DCLK1: variants seen among roughly 807,000 people sequenced by gnomAD.
DCLK1 encodes doublecortin like kinase 1, also known as serine/threonine-protein kinase DCLK1.
A neutral mutation model predicts 86.2 loss-of-function variants in DCLK1; 16 were observed. That is an observed-to-expected ratio of 0.19 (90% CI 0.13 to 0.28). DCLK1 has a LOEUF of 0.28. Among genes scored for constraint, DCLK1 ranks in the 10% least tolerant of loss-of-function variants. The pLI, the probability that DCLK1 is intolerant of heterozygous loss-of-function variation, is 1.00. For synonymous variants in DCLK1, 369 were observed against 370.5 expected (o/e 1.00, Z 0.05); for missense variants, 590 against 940.2 (o/e 0.63, Z 4.87).
chr13:35,851,221 G>C (rs895486874), intron 6 of DCLK1, among the ~76,000 whole-genome samples: 1 of 152,188 alleles, frequency 6.6e-6, no homozygotes, highest in African/African-American at 2.4e-5. Context: ...AAATGTTGTA[G>C]TTGCATGTGG....
intron 5 of DCLK1, among the ~76,000 whole-genome samples, chr13:35,869,430 A>C (rs147410022): frequency 6.6e-6 from 1 of 152,134 alleles, no homozygotes; most frequent in Non-Finnish European, 1.5e-5. Flanking sequence ...TCCTTTGTTC[A>C]TTGCTCTTTT....
chr13:35,984,795 G>A (rs1446572004), intron 3 of DCLK1, among the ~76,000 whole-genome samples: 1 of 151,812 alleles, frequency 6.6e-6, no homozygotes, highest in East Asian at 1.9e-4. Flanking sequence ...CCAGGCTTCT[G>A]TACCAGCGAA....
In DCLK1 at chr13:35,881,099, G is replaced by A. The variant is rs116504014; in HGVS notation, c.824-9759C>T. On this transcript the variant is annotated intron_variant, in intron 4 of 16. Coordinates refer to ENST00000360631, the MANE Select transcript of DCLK1 (RefSeq NM_001330071.2). ...GGCTCACGACCTGCAGCAACATGCC[G>A]GGGAAAAACCCCCTTTCTATGACAG... Among the ~76,000 whole-genome samples, 338 of 152,224 alleles carry A rather than the reference G, an allele frequency of 2.2e-3. 2 individuals are homozygous for A. Among genetic ancestry groups the A allele is most frequent in the East Asian group, 6.8e-3 (35 of 5,174 alleles).
intron 4 of DCLK1, among the ~76,000 whole-genome samples, chr13:35,881,088 A>T (rs9545598): frequency 0.078 from 11,894 of 152,300 alleles, 554 homozygotes; most frequent in Middle Eastern, 0.14. Flanking sequence ...CACGACCTGC[A>T]GCAACATGCC....
rs182838620 is a variant in DCLK1 at position 35,885,884 on chromosome 13, A to G, written c.824-14544T>C. Among the ~76,000 whole-genome samples, 194 of 152,296 alleles carry G rather than the reference A, an allele frequency of 1.3e-3. 2 individuals are homozygous for G. The highest frequency in any genetic ancestry group is 5.8e-3 in the Admixed American group (88 of 15,304). ...TGCTTTTCAATAATAAATGATTACT[A>G]TAGTGATGGTGATGTTCTGTACCTA... On this transcript the variant is annotated intron_variant, in intron 4 of 16. Transcript: ENST00000360631.
chr13:35,855,745 T>A, intron 5 of DCLK1: 1 of 1,329,466 alleles, frequency 7.5e-7, no homozygotes. Context: ...AGGTTCTGTC[T>A]TAGGCTACAT....
intron 3 of DCLK1, among the ~76,000 whole-genome samples, chr13:35,989,519 G>T (rs1046787561): frequency 6.6e-6 from 1 of 152,010 alleles, no homozygotes; most frequent in East Asian, 1.9e-4. Flanking sequence ...TGATCCACCC[G>T]CCTCGGCTTC....
intron 3 of DCLK1, among the ~76,000 whole-genome samples, chr13:36,039,140 T>C (rs1882612703): frequency 6.6e-6 from 1 of 152,186 alleles, no homozygotes; most frequent in South Asian, 2.1e-4. Context: ...AGAAAAGATA[T>C]AAATATCTCA....
chr13:36,000,551 T>C (rs1033288109), intron 3 of DCLK1, among the ~76,000 whole-genome samples: 5 of 152,036 alleles, frequency 3.3e-5, no homozygotes, highest in African/African-American at 4.8e-5. Context: ...TTATATGAAT[T>C]AGTATTATAT....
intron 1 of DCLK1, among the ~76,000 whole-genome samples, chr13:36,129,011 A>G (rs1315307407): frequency 6.6e-6 from 1 of 152,216 alleles, no homozygotes; most frequent in Middle Eastern, 3.2e-3. Flanking sequence ...GTTCTTCAAC[A>G]TTTTGTAAAT....
chr13:35,971,660 G>C (rs929212891), intron 3 of DCLK1, among the ~76,000 whole-genome samples: 1 of 151,948 alleles, frequency 6.6e-6, no homozygotes, highest in African/African-American at 2.4e-5. Flanking sequence ...CAATGTGGGA[G>C]ACTGAAGCAG....
chr13:35,889,200 G>T (rs1004155583), intron 4 of DCLK1, among the ~76,000 whole-genome samples: 11 of 152,128 alleles, frequency 7.2e-5, no homozygotes, highest in Non-Finnish European at 1.5e-4. Context: ...TTCTCCTGAG[G>T]TCTGCTGGGC....
chr13:35,925,479 G>A (rs557890092), intron 4 of DCLK1, among the ~76,000 whole-genome samples: 4 of 152,290 alleles, frequency 2.6e-5, no homozygotes, highest in Admixed American at 2.6e-4. Flanking sequence ...ATATTAGCTA[G>A]CCTAGGATCA....
chr13:36,130,382 TTC>T (rs1384276180), intron 1 of DCLK1, among the ~76,000 whole-genome samples: 1 of 152,142 alleles, frequency 6.6e-6, no homozygotes, highest in Non-Finnish European at 1.5e-5. Flanking sequence ...ACCTTTCATC[TTC>T]TCTCTCACCG....
intron 16 of DCLK1, among the ~76,000 whole-genome samples, chr13:35,779,076 C>T (rs1361273880): frequency 6.6e-6 from 1 of 151,992 alleles, no homozygotes; most frequent in Non-Finnish European, 1.5e-5. Flanking sequence ...AGTGCAGTGG[C>T]ACAATCTTGG....
chr13:35,922,085 T>C (rs1015440946), intron 4 of DCLK1, among the ~76,000 whole-genome samples: 3 of 152,256 alleles, frequency 2.0e-5, no homozygotes, highest in South Asian at 4.1e-4. Flanking sequence ...TTGAAACATA[T>C]AGGTAGGGCG....
At chr13:35,837,950 C>T (rs1168466654) in intron 7 of DCLK1, among the ~76,000 whole-genome samples, 1 of 151,732 alleles carries the variant, frequency 6.6e-6, no homozygotes, top group Non-Finnish European at 1.5e-5. Flanking sequence ...CCTGTAATCC[C>T]AGCTACTCAG....
At chr13:36,048,081 G>A (rs991847444) in intron 3 of DCLK1, among the ~76,000 whole-genome samples, 4 of 152,160 alleles carry the variant, frequency 2.6e-5, no homozygotes, top group African/African-American at 9.7e-5. Flanking sequence ...GCCAGATTTA[G>A]TCATTCCACA....
intron 3 of DCLK1, among the ~76,000 whole-genome samples, chr13:36,107,261 G>A (rs1003867993): frequency 6.6e-6 from 1 of 151,400 alleles, no homozygotes; most frequent in African/African-American, 2.4e-5. Flanking sequence ...TACTTCAGCT[G>A]AGTAATTCCT....
Sources: allele counts gnomAD v4.1 joint callset (sites outside exome capture counted in the v4.1 genomes callset), GRCh38; gene constraint gnomAD v4.1.1; transcripts MANE v1.5; gene names NCBI Gene and HGNC (gene_info 2026-07-23, HGNC 2026-07-21).